DNAH14: variants seen among roughly 807,000 people sequenced by gnomAD.
The protein encoded by DNAH14 is axonemal beta dynein heavy chain 14.
Under a neutral mutation model 520.9 loss-of-function variants are expected in DNAH14, and 478 were observed. The observed-to-expected ratio is 0.92, with a 90% CI of 0.85 to 0.99. DNAH14 has a LOEUF of 0.99. Among genes scored for constraint, DNAH14 ranks in the 50% least tolerant of loss-of-function variants. DNAH14 has a pLI of 0.00. For synonymous variants in DNAH14, 1,581 were observed against 1,757.2 expected (o/e 0.90, Z 2.51); for missense variants, 4,831 against 5,234.5 (o/e 0.92, Z 2.38).
chr1:225,211,469 T>A (rs968734693), intron 41 of DNAH14, among the ~76,000 whole-genome samples: 4 of 151,592 alleles, frequency 2.6e-5, no homozygotes, highest in African/African-American at 7.3e-5. Flanking sequence ...TGAAAAGGAA[T>A]GAACAAAGCC....
intron 42 of DNAH14, 55 bp from the exon 43 acceptor site, chr1:225,240,538 T>C: frequency 9.0e-7 from 1 of 1,106,740 alleles, no homozygotes; most frequent in Non-Finnish European, 1.3e-6. Context: ...ATTTCTATTC[T>C]TAAACTGCTT....
chr1:224,967,034 C>T (rs2061213760), intron 5 of DNAH14, among the ~76,000 whole-genome samples: 1 of 152,062 alleles, frequency 6.6e-6, no homozygotes, highest in Non-Finnish European at 1.5e-5. Context: ...TTATACCAAA[C>T]CACCATCATT....
chr1:225,066,730 T>C (rs1342406672), intron 17 of DNAH14, among the ~76,000 whole-genome samples: 1 of 152,068 alleles, frequency 6.6e-6, no homozygotes, highest in African/African-American at 2.4e-5. Flanking sequence ...CTCCCACTTA[T>C]AAGTGAGAAC....
chr1:225,020,354 A>T (rs900085980), intron 10 of DNAH14, among the ~76,000 whole-genome samples: 8 of 151,736 alleles, frequency 5.3e-5, no homozygotes, highest in African/African-American at 1.9e-4. Flanking sequence ...AAAATTAGCC[A>T]GGTGTGGTGG....
At chr1:225,237,594 AT>A (rs1031558569) in intron 42 of DNAH14, among the ~76,000 whole-genome samples, 6 of 151,592 alleles carry the variant, frequency 4.0e-5, no homozygotes, top group African/African-American at 1.2e-4. Flanking sequence ...CTTGGGGTTG[AT>A]TTTTTCGTGG....
chr1:225,066,376 T>C (rs1268153821), intron 17 of DNAH14, among the ~76,000 whole-genome samples: 1 of 152,084 alleles, frequency 6.6e-6, no homozygotes, highest in Non-Finnish European at 1.5e-5. Flanking sequence ...TTGTTGCTTG[T>C]GTTTTCAGGG....
At position 225,280,040 on chromosome 1, in the gene DNAH14, A is replaced by G. The variant is rs553244203; in HGVS notation, c.8271+2538A>G. ...CTGGGATTCAAAATTAAAATAAATG[A>G]GATGAAAACTTCACTAGAGGAGCTC... On this transcript the variant is annotated intron_variant, in intron 54 of 85. Coordinates refer to ENST00000682510, the MANE Select transcript of DNAH14 (RefSeq NM_001367479.1). Among the ~76,000 whole-genome samples the G allele has an allele frequency of 4.6e-5, 7 of 152,102 alleles. No individual in the cohort carries two copies. The East Asian group carries it at 9.6e-4, about 21-fold the overall frequency.
At chr1:224,946,430 CT>C (rs1450816953) in intron 1 of DNAH14, among the ~76,000 whole-genome samples, 1 of 152,172 alleles carries the variant, frequency 6.6e-6, no homozygotes, top group African/African-American at 2.4e-5. Context: ...TCCCTGACCC[CT>C]TGAGCTTCCC....
rs1333507755 is a variant in DNAH14, at chr1:225,252,294, G to A, written c.6749-7G>A. The A allele has an allele frequency of 1.3e-6, 2 of 1,484,088 alleles. No individual in the cohort carries two copies. Among genetic ancestry groups the A allele is most frequent in the African/African-American group, 2.8e-5 (2 of 71,764 alleles). 91.9% of individuals were successfully genotyped at this position (1,484,088 alleles called of 1,614,324 possible). Reference sequence around the variant, plus strand: ...TTCTTAGTTGAATTTATTATTTTCGGTTGTAGGCATCAACCTACCAACTGG... The same window carrying A: ...TTCTTAGTTGAATTTATTATTTTCGATTGTAGGCATCAACCTACCAACTGG... On this transcript the variant is annotated splice_polypyrimidine_tract_variant and splice_region_variant and intron_variant, in intron 43 of 85. Coordinates refer to ENST00000682510, the MANE Select transcript of DNAH14 (RefSeq NM_001367479.1).
At chr1:225,322,845 G>A (rs1293793726) in intron 62 of DNAH14, 22 bp downstream of exon 62, 1 of 1,535,868 alleles carries the variant, frequency 6.5e-7, no homozygotes, top group Non-Finnish European at 8.8e-7. Flanking sequence ...ATCTCTAATT[G>A]ATGCATCTCA....
At chr1:225,200,006 G>C (rs184243370) in intron 38 of DNAH14, among the ~76,000 whole-genome samples, 1 of 148,208 alleles carries the variant, frequency 6.7e-6, no homozygotes, top group Non-Finnish European at 1.5e-5. Flanking sequence ...TTATAAATTT[G>C]GGAGCTCCAG....
chr1:225,040,009 C>A (rs1301556141), intron 12 of DNAH14, among the ~76,000 whole-genome samples: 1 of 138,968 alleles, frequency 7.2e-6, no homozygotes, highest in Non-Finnish European at 1.6e-5. Flanking sequence ...GTGATCTCGA[C>A]TCACTGCAAG....
intron 71 of DNAH14, among the ~76,000 whole-genome samples, chr1:225,350,331 G>C (rs554375371): frequency 1.3e-5 from 2 of 151,988 alleles, no homozygotes; most frequent in African/African-American, 4.8e-5. Flanking sequence ...AAAGAAGAAA[G>C]TGTACTTAAA....
At chr1:225,094,271 A>G (rs1421207756) in intron 21 of DNAH14, among the ~76,000 whole-genome samples, 1 of 152,218 alleles carries the variant, frequency 6.6e-6, no homozygotes, top group Admixed American at 6.5e-5. Context: ...TACTGGTACA[A>G]AAGCAGACAC....
intron 61 of DNAH14, among the ~76,000 whole-genome samples, chr1:225,322,253 C>A (rs1377070071): frequency 1.3e-5 from 2 of 151,798 alleles, no homozygotes; most frequent in African/African-American, 4.8e-5. Context: ...CCATACCCAG[C>A]TAATTTTTTT....
At chr1:225,248,617 G>A (rs1008990319) in intron 43 of DNAH14, among the ~76,000 whole-genome samples, 5 of 152,152 alleles carry the variant, frequency 3.3e-5, no homozygotes, top group African/African-American at 1.2e-4. Context: ...GTCAGTATAT[G>A]TACATATATT....
rs1051811364 is a variant in DNAH14 at position 225,206,047 on chromosome 1, T to G, written c.6054T>G (p.Asp2018Glu). 7 of 1,551,518 alleles carry G rather than the reference T, an allele frequency of 4.5e-6. No homozygotes were observed. The African/African-American group carries it at 8.2e-5, about 18-fold the overall frequency. Residue 2018 changes from aspartate (D) to glutamate (E), a missense_variant, in exon 40 of 86, where the codon GAT becomes GAG. By Grantham distance (45) the Asp-to-Glu change is conservative. Transcript: ENST00000682510. The stretch of plus-strand genomic sequence containing the variant: ...TAGAAAATCTGAACTCTGTGCTAGA[T>G]GATACTAGAACATTGTGCCTAGCAA... ...FWVENLNSVL[D>E]DTRTLCLANS... is the part of the protein sequence containing the mutation.
chr1:225,204,090 T>C, intron 38 of DNAH14, 93 bp from the exon 39 acceptor site: 1 of 629,336 alleles, frequency 1.6e-6, no homozygotes, highest in Non-Finnish European at 2.5e-6. Flanking sequence ...TTTTATATTT[T>C]TATCACTCAA....
At chr1:225,195,470 C>A (rs1036106730) in intron 38 of DNAH14, among the ~76,000 whole-genome samples, 6 of 151,152 alleles carry the variant, frequency 4.0e-5, no homozygotes, top group Non-Finnish European at 8.9e-5. Flanking sequence ...CACATGGATA[C>A]AAAGATGGGA....
Sources: allele counts gnomAD v4.1 joint callset (sites outside exome capture counted in the v4.1 genomes callset), GRCh38; gene constraint gnomAD v4.1.1; transcripts MANE v1.5; gene names NCBI Gene and HGNC (gene_info 2026-07-23, HGNC 2026-07-21).